The following RGS7 variants were observed in gnomAD, a reference collection of about 807,000 sequenced individuals.
The protein encoded by RGS7 is regulator of G-protein signaling 7.
RGS7 carries 27 observed loss-of-function variants against 81.1 expected under a neutral mutation model. The observed-to-expected ratio is 0.33, with a 90% CI of 0.25 to 0.46. The LOEUF is 0.46. Ranked by LOEUF, RGS7 falls within the 20% of genes least tolerant of loss-of-function variation. RGS7 has a pLI of 1.00. For missense variants in RGS7, 396 were observed against 607.4 expected, an observed-to-expected ratio of 0.65 and a Z score of 3.66; for synonymous variants, 208 against 207.7, an observed-to-expected ratio of 1.00 and a Z score of -0.01.
At chr1:241,093,867 C>A (rs2064062323) in intron 3 of RGS7, among the ~76,000 whole-genome samples, 1 of 151,578 alleles carries the variant, frequency 6.6e-6, no homozygotes, top group South Asian at 2.1e-4. Context: ...ACTTTGTGTC[C>A]AATACATGTG....
intron 9 of RGS7, among the ~76,000 whole-genome samples, chr1:240,853,620 T>C (rs1253392523): frequency 6.6e-6 from 1 of 152,018 alleles, no homozygotes; most frequent in Non-Finnish European, 1.5e-5. Context: ...TCAAAGCATG[T>C]TCTGGCCGGG....
chr1:241,270,308 C>T (rs377333025), intron 2 of RGS7, among the ~76,000 whole-genome samples: 1 of 152,132 alleles, frequency 6.6e-6, no homozygotes, highest in East Asian at 1.9e-4. Flanking sequence ...CAAGCTCATG[C>T]CCTTGGTCTG....
At chr1:241,237,857 G>C (rs1371257855) in intron 2 of RGS7, among the ~76,000 whole-genome samples, 4 of 152,170 alleles carry the variant, frequency 2.6e-5, no homozygotes, top group South Asian at 2.1e-4. Context: ...CTGTGTTGTA[G>C]AATCCTTTGG....
intron 2 of RGS7, among the ~76,000 whole-genome samples, chr1:241,327,727 G>A (rs116105486): frequency 0.03 from 4,617 of 152,228 alleles, 122 homozygotes; most frequent in African/African-American, 0.073. Context: ...AAGAATAAAC[G>A]TATGTAGGTA....
chr1:241,281,107 C>A (rs529591580), intron 2 of RGS7, among the ~76,000 whole-genome samples: 1 of 152,154 alleles, frequency 6.6e-6, no homozygotes, highest in South Asian at 2.1e-4. Context: ...TATGTAGATA[C>A]TAGTCTACTT....
intron 2 of RGS7, among the ~76,000 whole-genome samples, chr1:241,298,097 C>A (rs144306853): frequency 9.7e-4 from 147 of 152,224 alleles, no homozygotes; most frequent in African/African-American, 3.4e-3. Context: ...GATCTTCAAG[C>A]CAAGTCCCAT....
chr1:241,213,205 G>T (rs1376073360), intron 2 of RGS7, among the ~76,000 whole-genome samples: 1 of 152,188 alleles, frequency 6.6e-6, no homozygotes, highest in Non-Finnish European at 1.5e-5. Flanking sequence ...TTGGGTATGA[G>T]ACTTTGTAGT....
intron 3 of RGS7, among the ~76,000 whole-genome samples, chr1:241,094,615 A>AAAAACC (rs1553417006): frequency 2.9e-4 from 41 of 143,620 alleles, no homozygotes; most frequent in African/African-American, 1.1e-3. Context: ...AAACCAAAAC[A>AAAAACC]AAAACAAAAA....
intron 3 of RGS7, among the ~76,000 whole-genome samples, chr1:241,075,051 A>C (rs2148879564): frequency 6.6e-6 from 1 of 152,340 alleles, no homozygotes; most frequent in Middle Eastern, 3.4e-3. Context: ...CAGAATGTTA[A>C]GAGAAATATC....
At position 240,780,168 on chromosome 1, in the gene RGS7, T is replaced by C. The variant is rs373412708; in HGVS notation, c.*7-3955A>G. Among the ~76,000 whole-genome samples the C allele has an allele frequency of 3.9e-4, 60 of 152,214 alleles. No homozygotes were observed. In the East Asian group the frequency reaches 0.01, roughly 26 times the overall value. On this transcript the variant is annotated intron_variant, in intron 18 of 18. Coordinates refer to ENST00000440928, the MANE Select transcript of RGS7 (RefSeq NM_001364886.1). ...TATATTTAAAAAGTGCTTACTTGGC[T>C]GGGCATGGTGGCTCATGCTTGTAAT... is the stretch of plus-strand genomic sequence containing the variant.
chr1:241,234,929 T>C (rs1159169377), intron 2 of RGS7, among the ~76,000 whole-genome samples: 1 of 152,156 alleles, frequency 6.6e-6, no homozygotes, highest in East Asian at 1.9e-4. Flanking sequence ...TTACCAAATC[T>C]CTTTCCAGGA....
intron 4 of RGS7, among the ~76,000 whole-genome samples, chr1:240,974,694 G>C (rs1046962674): frequency 6.6e-6 from 1 of 152,180 alleles, no homozygotes; most frequent in Non-Finnish European, 1.5e-5. Flanking sequence ...CTGAATTATG[G>C]AAGAAAGGCT....
chr1:240,848,248 C>A (rs1659454941), intron 9 of RGS7, among the ~76,000 whole-genome samples: 1 of 152,150 alleles, frequency 6.6e-6, no homozygotes, highest in African/African-American at 2.4e-5. Context: ...AAGTATAAAA[C>A]AGTTCCACTC....
At chr1:240,801,338 G>C (rs974440558) in intron 17 of RGS7, 117 bp downstream of exon 17, 2 of 711,382 alleles carry the variant, frequency 2.8e-6, no homozygotes, top group African/African-American at 3.5e-5. Flanking sequence ...TTGAATAAAA[G>C]AAACACTTTT....
intron 7 of RGS7, 116 bp downstream of exon 7, chr1:240,869,939 T>C: frequency 1.1e-6 from 1 of 945,922 alleles, no homozygotes; most frequent in South Asian, 1.3e-5. Flanking sequence ...AAACTCCATC[T>C]CAAAAAAAAG....
At chr1:241,326,786 T>A (rs2081522397) in intron 2 of RGS7, among the ~76,000 whole-genome samples, 1 of 150,414 alleles carries the variant, frequency 6.6e-6, no homozygotes, top group African/African-American at 2.4e-5. Flanking sequence ...GGCACACACC[T>A]GTAGTCCCAA....
rs761687862 is a variant in RGS7 at position 241,237,408 on chromosome 1, C to T, written c.78+118291G>A. The stretch of plus-strand genomic sequence containing the variant: ...AGGACTTTGTGCACTGGACCATATA[C>T]CATGAGCAGTGAGTTATTTCAAACT... On this transcript the variant is annotated intron_variant, in intron 2 of 18. Coordinates refer to ENST00000440928, the MANE Select transcript of RGS7 (RefSeq NM_001364886.1). Among the ~76,000 whole-genome samples the T allele has an allele frequency of 5.3e-5, 8 of 152,214 alleles. No individual in the cohort carries two copies. The South Asian group carries it at 8.3e-4, about 16-fold the overall frequency.
At chr1:240,782,010 G>A (rs556605039) in intron 18 of RGS7, among the ~76,000 whole-genome samples, 27 of 144,226 alleles carry the variant, frequency 1.9e-4, no homozygotes, top group Admixed American at 5.3e-4. Flanking sequence ...GTGAGACTCC[G>A]TCTCAAAAAA....
chr1:241,156,956 C>T (rs1271366402), intron 2 of RGS7, among the ~76,000 whole-genome samples: 1 of 152,110 alleles, frequency 6.6e-6, no homozygotes, highest in Non-Finnish European at 1.5e-5. Context: ...TAATTAGCAT[C>T]CTATATTCCA....
Sources: allele counts gnomAD v4.1 joint callset (sites outside exome capture counted in the v4.1 genomes callset), GRCh38; gene constraint gnomAD v4.1.1; transcripts MANE v1.5; gene names NCBI Gene and HGNC (gene_info 2026-07-23, HGNC 2026-07-21).